Variants in CDIN1 observed in about 807,000 individuals in gnomAD.
CDIN1 encodes CDAN1-interacting nuclease 1.
A neutral mutation model predicts 45.3 loss-of-function variants in CDIN1; 33 were observed. The ratio of observed to expected loss-of-function variants is 0.73; its 90% CI spans 0.55 to 0.97. The LOEUF (loss-of-function observed/expected upper bound fraction) is 0.97. CDIN1 is among the 50% of genes least tolerant of loss of function. The pLI is 0.00. For missense variants in CDIN1, 303 were observed against 339.4 expected (o/e 0.89, Z 0.84); for synonymous variants, 118 against 124.4 (o/e 0.95, Z 0.34).
At chr15:36,717,417 A>G (rs930744695) in intron 10 of CDIN1, among the ~76,000 whole-genome samples, 6 of 152,138 alleles carry the variant, frequency 3.9e-5, no homozygotes, top group African/African-American at 1.4e-4. Context: ...AAATAGAACT[A>G]TGCAGCATGT....
In CDIN1 at chr15:36,758,520, C is replaced by A. The variant is rs138901548; in HGVS notation, c.716+48559C>A. Among the ~76,000 whole-genome samples the A allele has an allele frequency of 8.0e-4, 122 of 152,190 alleles. 1 individual carries two copies. Among genetic ancestry groups the A allele is most frequent in the African/African-American group, 2.5e-3 (105 of 41,518 alleles). On this transcript the variant is annotated intron_variant, in intron 10 of 10. Coordinates refer to ENST00000566621, the MANE Select transcript of CDIN1 (RefSeq NM_001321759.2). ...TGATTGCATGATCTTGATGCATGTA[C>A]AAGTTAGAATATTTTTAAGCAAGTC...
chr15:36,783,045 A>G (rs2054392216), intron 10 of CDIN1, among the ~76,000 whole-genome samples: 1 of 152,190 alleles, frequency 6.6e-6, no homozygotes, highest in Non-Finnish European at 1.5e-5. Flanking sequence ...ATTCATTGGG[A>G]TAATACTATA....
intron 3 of CDIN1, among the ~76,000 whole-genome samples, chr15:36,652,980 A>C (rs2040631791): frequency 6.6e-6 from 1 of 152,112 alleles, no homozygotes; most frequent in Non-Finnish European, 1.5e-5. Context: ...AAATTATTTA[A>C]TTTTTCATTT....
intron 10 of CDIN1, among the ~76,000 whole-genome samples, chr15:36,774,554 A>AT (rs2054171779): frequency 6.6e-6 from 1 of 151,576 alleles, no homozygotes; most frequent in Non-Finnish European, 1.5e-5. Flanking sequence ...CATAATTCAC[A>AT]TTTTTTCCTT....
chr15:36,743,406 T>C (rs10450966), intron 10 of CDIN1, among the ~76,000 whole-genome samples: 5,733 of 152,240 alleles, frequency 0.038, 380 homozygotes, highest in African/African-American at 0.13. Context: ...TATTCTGTGT[T>C]CTGCAACATC....
At chr15:36,594,818 ATT>A (rs34509141) in intron 1 of CDIN1, 16 of 734,402 alleles carry the variant, frequency 2.2e-5, no homozygotes, top group South Asian at 6.1e-5. Flanking sequence ...GGCACTTAAA[ATT>A]TTTTTTTTTT....
intron 5 of CDIN1, among the ~76,000 whole-genome samples, chr15:36,679,588 C>T (rs1342779242): frequency 2.0e-5 from 3 of 152,080 alleles, no homozygotes; most frequent in Non-Finnish European, 4.4e-5. Flanking sequence ...GCATGTCTTT[C>T]CTAGTTTACC....
intron 10 of CDIN1, among the ~76,000 whole-genome samples, chr15:36,792,187 AC>A (rs1268091729): frequency 6.6e-6 from 1 of 152,150 alleles, no homozygotes; most frequent in African/African-American, 2.4e-5. Flanking sequence ...GTGAAATCAA[AC>A]CGCAGCCCCA....
chr15:36,743,347 G>T (rs2044304642), intron 10 of CDIN1, among the ~76,000 whole-genome samples: 1 of 152,060 alleles, frequency 6.6e-6, no homozygotes, highest in Admixed American at 6.6e-5. Flanking sequence ...CATAGAGTAG[G>T]GTGCTTAGCC....
chr15:36,608,771 T>G (rs1294157974), intron 1 of CDIN1, among the ~76,000 whole-genome samples: 1 of 152,138 alleles, frequency 6.6e-6, no homozygotes. Flanking sequence ...CAATACACTA[T>G]TTTAGTAAAA....
At chr15:36,592,847 A>G (rs1445758553) in intron 1 of CDIN1, among the ~76,000 whole-genome samples, 1 of 152,102 alleles carries the variant, frequency 6.6e-6, no homozygotes, top group Non-Finnish European at 1.5e-5. Context: ...GGGACATTAC[A>G]GTGATTCTTT....
intron 4 of CDIN1, among the ~76,000 whole-genome samples, chr15:36,654,813 G>A (rs1429065879): frequency 6.6e-6 from 1 of 152,088 alleles, no homozygotes; most frequent in East Asian, 1.9e-4. Flanking sequence ...GCTGTGAAAA[G>A]TTCATAATAG....
chr15:36,617,634 G>C (rs2038956438), intron 1 of CDIN1: 1 of 769,162 alleles, frequency 1.3e-6, no homozygotes. Flanking sequence ...CTTCTCCCAT[G>C]GTACAAATTG....
chr15:36,657,985 A>G, intron 5 of CDIN1, 80 bp downstream of exon 5: 1 of 1,218,270 alleles, frequency 8.2e-7, no homozygotes, highest in Non-Finnish European at 1.2e-6. Flanking sequence ...ATTTCAAGTC[A>G]CTTAATGAGA....
intron 1 of CDIN1, chr15:36,641,567 C>T (rs2040108742): frequency 6.6e-6 from 1 of 152,294 alleles, no homozygotes; most frequent in Non-Finnish European, 1.5e-5. Context: ...ATACTACATC[C>T]TGGGTATTTG....
At chr15:36,772,951 C>G (rs1490978781) in intron 10 of CDIN1, among the ~76,000 whole-genome samples, 1 of 152,114 alleles carries the variant, frequency 6.6e-6, no homozygotes, top group East Asian at 1.9e-4. Flanking sequence ...ATAGTAGTAA[C>G]AGTAATGCTT....
intron 5 of CDIN1, among the ~76,000 whole-genome samples, chr15:36,682,674 A>G (rs142118111): frequency 1.4e-5 from 2 of 145,844 alleles, no homozygotes; most frequent in Non-Finnish European, 3.0e-5. Flanking sequence ...GGAGACTGAG[A>G]TGGGAGGGTA....
intron 1 of CDIN1, among the ~76,000 whole-genome samples, chr15:36,603,757 A>G (rs1207423507): frequency 1.3e-5 from 2 of 152,206 alleles, no homozygotes; most frequent in Non-Finnish European, 2.9e-5. Context: ...TGGAGGAATC[A>G]CTACAAAAGG....
chr15:36,640,492 T>A (rs2040064090), intron 1 of CDIN1: 1 of 279,934 alleles, frequency 3.6e-6, no homozygotes, highest in African/African-American at 2.3e-5. Flanking sequence ...AAATAATATT[T>A]ATTTTTCTCA....
Sources: gnomAD v4.1 joint callset for allele counts (sites outside exome capture counted in the v4.1 genomes callset) on GRCh38, gnomAD v4.1.1 for gene constraint, MANE v1.5 for transcripts, NCBI Gene and HGNC (gene_info 2026-07-23, HGNC 2026-07-21) for gene names.